LRMDA: variants seen among roughly 807,000 people sequenced by gnomAD.
LRMDA encodes the protein leucine rich melanocyte differentiation associated, also known as leucine-rich melanocyte differentiation-associated protein.
A neutral mutation model predicts 29.8 loss-of-function variants in LRMDA; 18 were observed. The observed-to-expected ratio is 0.60, with a 90% CI of 0.42 to 0.90. LRMDA has a LOEUF of 0.90. Among genes scored for constraint, LRMDA ranks in the 40% least tolerant of loss-of-function variants. The probability of loss-of-function intolerance (pLI) is 0.00; values close to 1 mark genes in which losing one functional copy is unlikely to be tolerated. For missense variants in LRMDA, 273 were observed against 273.9 expected, an observed-to-expected ratio of 1.00 and a Z score of 0.02; for synonymous variants, 125 against 109.4, an observed-to-expected ratio of 1.14 and a Z score of -0.89.
chr10:75,898,616 A>G (rs76658544), intron 2 of LRMDA, among the ~76,000 whole-genome samples: 1 of 152,186 alleles, frequency 6.6e-6, no homozygotes, highest in Non-Finnish European at 1.5e-5. Flanking sequence ...CACTGAAAAA[A>G]AAAACACACA....
At chr10:75,560,153 TCCTA>T (rs1840271891) in intron 2 of LRMDA, among the ~76,000 whole-genome samples, 1 of 151,752 alleles carries the variant, frequency 6.6e-6, no homozygotes, top group Non-Finnish European at 1.5e-5. Context: ...TATTGATTCT[TCCTA>T]CCCATGAGCA....
At chr10:75,548,513 T>C (rs1222215794) in intron 2 of LRMDA, among the ~76,000 whole-genome samples, 1 of 152,150 alleles carries the variant, frequency 6.6e-6, no homozygotes, top group Non-Finnish European at 1.5e-5. Flanking sequence ...CCTTCTGACC[T>C]GGACATCCCA....
At chr10:75,713,372 G>A (rs943112011) in intron 2 of LRMDA, among the ~76,000 whole-genome samples, 12 of 152,130 alleles carry the variant, frequency 7.9e-5, no homozygotes, top group South Asian at 2.1e-4. Context: ...TAATGCAATC[G>A]CTGATTGCAC....
rs188874966 is a variant in LRMDA at position 76,047,361 on chromosome 10, A to T, written c.398+58A>T. The T allele has an allele frequency of 3.7e-5, 56 of 1,505,634 alleles. No homozygotes were observed. In the Admixed American group the frequency reaches 1.3e-3, roughly 35 times the overall value. 93.3% of individuals were successfully genotyped at this position (1,505,634 alleles called of 1,614,324 possible). A position where few individuals can be genotyped will look rare whatever the true frequency, so the allele number is the denominator to read the frequency against. On this transcript the variant is annotated intron_variant, in intron 4 of 6. Coordinates refer to ENST00000611255, the MANE Select transcript of LRMDA (RefSeq NM_001305581.2). ...AAGGGAAAAAGAGAAACTTTAGGGG[A>T]TGATATTATACTCTGGGGTGCATAG...
In LRMDA at chr10:76,466,339, C is replaced by T. The variant is rs546443944; in HGVS notation, c.602-90870C>T. On this transcript the variant is annotated intron_variant, in intron 6 of 6. Transcript: ENST00000611255. Reference sequence around the variant, plus strand: ...GGAGCATGGGATAAATGGAGAGGAGCGTTTCCTTTCTCTCCCCTTTCATCT... The same window carrying T: ...GGAGCATGGGATAAATGGAGAGGAGTGTTTCCTTTCTCTCCCCTTTCATCT... Among the ~76,000 whole-genome samples the T allele has an allele frequency of 9.2e-5, 14 of 152,134 alleles. No homozygotes were observed. In the East Asian group the frequency reaches 2.3e-3, roughly 25 times the overall value.
chr10:76,262,012 C>A (rs749166484), intron 5 of LRMDA, among the ~76,000 whole-genome samples: 7 of 151,978 alleles, frequency 4.6e-5, no homozygotes, highest in African/African-American at 1.5e-4. Context: ...GTGGGAGGAT[C>A]TCTTGAGGTT....
chr10:75,588,964 A>C (rs1337116237), intron 2 of LRMDA, among the ~76,000 whole-genome samples: 1 of 152,188 alleles, frequency 6.6e-6, no homozygotes, highest in African/African-American at 2.4e-5. Context: ...ATAGGTATAT[A>C]GTGTTACATT....
chr10:76,510,896 G>GT (rs1473279954), intron 6 of LRMDA, among the ~76,000 whole-genome samples: 1 of 152,148 alleles, frequency 6.6e-6, no homozygotes, highest in Admixed American at 6.5e-5. Context: ...GCTGTGTGAA[G>GT]TTTAAGTTTC....
chr10:76,133,063 C>T (rs1441434562), intron 5 of LRMDA, among the ~76,000 whole-genome samples: 7 of 148,872 alleles, frequency 4.7e-5, no homozygotes, highest in South Asian at 4.3e-4. Context: ...CCTCGTGATC[C>T]GCCCGCCTCA....
At chr10:75,566,165 G>A (rs1840369844) in intron 2 of LRMDA, among the ~76,000 whole-genome samples, 2 of 152,192 alleles carry the variant, frequency 1.3e-5, no homozygotes, top group Non-Finnish European at 1.5e-5. Flanking sequence ...TTAAAACACA[G>A]CAGTATCAAT....
chr10:76,271,691 T>C (rs1311776483), intron 5 of LRMDA, among the ~76,000 whole-genome samples: 2 of 152,208 alleles, frequency 1.3e-5, no homozygotes, highest in Non-Finnish European at 2.9e-5. Context: ...TACACGATTA[T>C]GTGGATGTTA....
intron 2 of LRMDA, among the ~76,000 whole-genome samples, chr10:75,931,526 A>G (rs1185022089): frequency 6.6e-6 from 1 of 152,196 alleles, no homozygotes; most frequent in African/African-American, 2.4e-5. Flanking sequence ...TTGGTCCCTC[A>G]ATAGAAGATG....
At chr10:76,402,007 A>G (rs1164740770) in intron 6 of LRMDA, among the ~76,000 whole-genome samples, 1 of 152,164 alleles carries the variant, frequency 6.6e-6, no homozygotes, top group Non-Finnish European at 1.5e-5. Flanking sequence ...TCAGAAAGTC[A>G]TAAGTACTAT....
chr10:76,166,169 G>A (rs770508295), intron 5 of LRMDA, among the ~76,000 whole-genome samples: 1 of 152,154 alleles, frequency 6.6e-6, no homozygotes, highest in Non-Finnish European at 1.5e-5. Context: ...ACATATTTAT[G>A]GGTCATTTTC....
chr10:75,945,567 C>G (rs1019029365), intron 2 of LRMDA, among the ~76,000 whole-genome samples: 1 of 152,116 alleles, frequency 6.6e-6, no homozygotes, highest in African/African-American at 2.4e-5. Flanking sequence ...CTTTCCGGTA[C>G]CCACATGTAG....
At chr10:75,509,898 C>T (rs1025506251) in intron 2 of LRMDA, among the ~76,000 whole-genome samples, 28 of 152,314 alleles carry the variant, frequency 1.8e-4, no homozygotes, top group African/African-American at 6.5e-4. Context: ...AGAGGGCAGA[C>T]CGCATGTGGG....
intron 2 of LRMDA, among the ~76,000 whole-genome samples, chr10:75,499,578 A>T (rs1481342498): frequency 6.6e-6 from 1 of 152,230 alleles, no homozygotes; most frequent in Non-Finnish European, 1.5e-5. Flanking sequence ...CCTGGCAAAA[A>T]GCAAATGCTC....
intron 6 of LRMDA, among the ~76,000 whole-genome samples, chr10:76,460,027 A>G (rs1403524174): frequency 6.6e-6 from 1 of 152,186 alleles, no homozygotes; most frequent in Non-Finnish European, 1.5e-5. Flanking sequence ...GATAGAACAC[A>G]TAATATCCTA....
chr10:75,692,528 C>T (rs865982644), intron 2 of LRMDA, among the ~76,000 whole-genome samples: 7 of 143,918 alleles, frequency 4.9e-5, no homozygotes, highest in South Asian at 2.2e-4. Flanking sequence ...TACACATATG[C>T]GTATGTATAC....
Sources: gnomAD v4.1 joint callset for allele counts (sites outside exome capture counted in the v4.1 genomes callset) on GRCh38, gnomAD v4.1.1 for gene constraint, MANE v1.5 for transcripts, NCBI Gene and HGNC (gene_info 2026-07-23, HGNC 2026-07-21) for gene names.